Variants in MED12L observed in about 807,000 individuals in gnomAD.
The protein encoded by MED12L is mediator of RNA polymerase II transcription subunit 12-like protein.
MED12L carries 60 observed loss-of-function variants against 281.3 expected under a neutral mutation model. The ratio of observed to expected loss-of-function variants is 0.21; its 90% CI spans 0.17 to 0.26. The LOEUF (loss-of-function observed/expected upper bound fraction) is 0.26, where lower values mean the gene tolerates loss of function less well. Ranked by LOEUF, MED12L falls within the 10% of genes least tolerant of loss-of-function variation. MED12L has a pLI of 1.00. For missense variants in MED12L, 2,146 were observed against 2,680.9 expected (o/e 0.80, Z 4.41); for synonymous variants, 974 against 987.2 (o/e 0.99, Z 0.25).
chr3:151,404,860 T>C (rs2108316173), intron 39 of MED12L, among the ~76,000 whole-genome samples: 1 of 152,354 alleles, frequency 6.6e-6, no homozygotes, highest in African/African-American at 2.4e-5. Context: ...GATTGCTAAT[T>C]GGAGGTATAA....
rs80247584 is a variant in MED12L, at chr3:151,201,886, G to T, written c.2250+8220G>T. ...CTATTTCAAATATTACATAATAATG[G>T]TAACATAATGTGTTTCTTTAAGTGC... On this transcript the variant is annotated intron_variant, in intron 16 of 44. Transcript: ENST00000687756. 5.9e-4 allele frequency among the ~76,000 whole-genome samples: 90 copies of T among 151,958 alleles called. No individual in the cohort carries two copies. In the East Asian group the frequency reaches 0.016, roughly 28 times the overall value.
Position 151,380,094 on chromosome 3 carries a change from A to G in MED12L, c.4479-19A>G. On this transcript the variant is annotated intron_variant, in intron 31 of 44. Transcript: ENST00000687756. ...ATTATTTCTAACTAGATCTGTTGTT[A>G]TTATTACTTCCTTTGTAGTATGTCT... 2.1e-6 allele frequency: 3 copies of G among 1,446,816 alleles called. No homozygotes were observed. The highest frequency in any genetic ancestry group is 2.3e-5 in the East Asian group (1 of 43,234). 89.6% of individuals were successfully genotyped at this position (1,446,816 alleles called of 1,614,324 possible). A position where few individuals can be genotyped will look rare whatever the true frequency, so the allele number is the denominator to read the frequency against.
At chr3:151,407,689 T>A (rs1305812675) in intron 39 of MED12L, among the ~76,000 whole-genome samples, 2 of 152,212 alleles carry the variant, frequency 1.3e-5, no homozygotes, top group Non-Finnish European at 2.9e-5. Context: ...ATACAATTGT[T>A]TTTTTAACAG....
rs752608118 is a variant in MED12L at position 151,388,121 on chromosome 3, A to G, written c.5400A>G (p.Glu1800=). ...SDQGKTTTDE[E]KKTKGRKRKT... ...AGGGAAAAACCACAACAGATGAAGA[A>G]AAGAAAACAAAAGGAAGGAAGCGCA... The change falls in exon 37 of 45, where the codon GAA becomes GAG. Residue 1800 remains glutamate, a synonymous_variant. Coordinates refer to ENST00000687756, the MANE Select transcript of MED12L (RefSeq NM_001393769.1). 3 of 1,610,770 alleles carry G rather than the reference A, an allele frequency of 1.9e-6. No homozygotes were observed. In the African/African-American group the frequency reaches 4.0e-5, roughly 22 times the overall value.
At chr3:151,401,762 G>C (rs1715712906) in intron 39 of MED12L, among the ~76,000 whole-genome samples, 1 of 152,128 alleles carries the variant, frequency 6.6e-6, no homozygotes, top group Non-Finnish European at 1.5e-5. Flanking sequence ...AATGAACTTA[G>C]GAGAAGAAAA....
intron 41 of MED12L, among the ~76,000 whole-genome samples, chr3:151,412,518 C>T (rs1717067808): frequency 6.6e-6 from 1 of 152,204 alleles, no homozygotes; most frequent in African/African-American, 2.4e-5. Flanking sequence ...TCAATGGCTG[C>T]ATGACGACTC....
At chr3:151,237,971 A>G (rs1169598838) in intron 16 of MED12L, among the ~76,000 whole-genome samples, 1 of 152,150 alleles carries the variant, frequency 6.6e-6, no homozygotes, top group Non-Finnish European at 1.5e-5. Flanking sequence ...TACTATAAAT[A>G]GGCTTTCTAG....
At chr3:151,315,068 T>C in intron 16 of MED12L, among the ~76,000 whole-genome samples, 2 of 152,218 alleles carry the variant, frequency 1.3e-5, no homozygotes, top group East Asian at 3.8e-4. Flanking sequence ...ACTTCTGTCC[T>C]GTCTTCACAA....
chr3:151,089,807 A>G (rs1354806970), intron 2 of MED12L, among the ~76,000 whole-genome samples: 2 of 152,162 alleles, frequency 1.3e-5, no homozygotes, highest in African/African-American at 2.4e-5. Flanking sequence ...TTTGCTTCCT[A>G]CAAACAGACT....
intron 16 of MED12L, among the ~76,000 whole-genome samples, chr3:151,228,849 C>T (rs980880088): frequency 2.0e-5 from 3 of 152,194 alleles, no homozygotes; most frequent in African/African-American, 7.2e-5. Flanking sequence ...TGTTCTTCTG[C>T]AGCATTGTTT....
Position 151,384,769 on chromosome 3 carries a change from T to A in MED12L, c.4927-261T>A, listed in dbSNP as rs139601888. The A allele has an allele frequency of 1.1e-4, 42 of 367,034 alleles. No individual in the cohort carries two copies. In the East Asian group the frequency reaches 2.7e-3, roughly 24 times the overall value. The allele number at this position is 367,034 out of a possible 1,614,324, so 22.7% of individuals were successfully genotyped here. ...TTCTGATTGTGATCACTACCCTGGA[T>A]TTTTGTCATTTCAGCACTATGATGT... is the stretch of plus-strand genomic sequence containing the variant. On this transcript the variant is annotated intron_variant, in intron 35 of 44. Transcript: ENST00000687756.
intron 44 of MED12L, among the ~76,000 whole-genome samples, chr3:151,431,090 TG>T (rs1438210687): frequency 6.6e-6 from 1 of 152,166 alleles, no homozygotes; most frequent in Non-Finnish European, 1.5e-5. Context: ...CTTTTAGAAA[TG>T]GGAGCAAGCT....
intron 2 of MED12L, among the ~76,000 whole-genome samples, chr3:151,087,970 A>G (rs1467539536): frequency 6.6e-6 from 1 of 151,966 alleles, no homozygotes; most frequent in Non-Finnish European, 1.5e-5. Context: ...CTGTTCAGCT[A>G]AACACGAACT....
intron 15 of MED12L, among the ~76,000 whole-genome samples, chr3:151,193,059 T>A (rs769710550): frequency 6.6e-6 from 1 of 152,188 alleles, no homozygotes; most frequent in Non-Finnish European, 1.5e-5. Context: ...GTGTTCTTTC[T>A]CATGAATCAC....
intron 16 of MED12L, among the ~76,000 whole-genome samples, chr3:151,246,119 G>A (rs1416675258): frequency 6.6e-6 from 1 of 152,068 alleles, no homozygotes; most frequent in Non-Finnish European, 1.5e-5. Context: ...GGAAATAAAA[G>A]AGGATACAAA....
At chr3:151,098,823 T>G (rs1721051982) in intron 2 of MED12L, among the ~76,000 whole-genome samples, 1 of 152,186 alleles carries the variant, frequency 6.6e-6, no homozygotes, top group Admixed American at 6.5e-5. Flanking sequence ...TGTATTAGCC[T>G]GTTTTCACAC....
intron 4 of MED12L, among the ~76,000 whole-genome samples, chr3:151,124,640 T>C (rs1714236082): frequency 6.6e-6 from 1 of 152,214 alleles, no homozygotes; most frequent in South Asian, 2.1e-4. Flanking sequence ...CTTGCTAAGA[T>C]CCTGAGTCAT....
chr3:151,376,673 C>T (rs1756892413), intron 28 of MED12L, 127 bp from the exon 29 acceptor site: 3 of 761,496 alleles, frequency 3.9e-6, no homozygotes, highest in Non-Finnish European at 6.5e-6. Flanking sequence ...AACCTTTTGA[C>T]TCATATAAAT....
intron 16 of MED12L, chr3:151,199,104 A>G: frequency 6.2e-7 from 1 of 1,614,018 alleles, no homozygotes; most frequent in Non-Finnish European, 8.5e-7. Context: ...ATATTGATAT[A>G]GATGAGGCAG....
Sources: gnomAD v4.1 joint callset for allele counts (sites outside exome capture counted in the v4.1 genomes callset) on GRCh38, gnomAD v4.1.1 for gene constraint, MANE v1.5 for transcripts, NCBI Gene and HGNC (gene_info 2026-07-23, HGNC 2026-07-21) for gene names.